Variants in THUMPD2 observed in about 807,000 individuals in gnomAD.
THUMPD2 encodes U6 snRNA (guanine-N(2))-methyltransferase THUMPD2.
THUMPD2 carries 56 observed loss-of-function variants against 49.4 expected under a neutral mutation model. The observed-to-expected ratio is 1.13, with a 90% CI of 0.91 to 1.41. The LOEUF (loss-of-function observed/expected upper bound fraction) is 1.41. THUMPD2 is among the 40% of genes most tolerant of loss of function. The pLI, the probability that THUMPD2 is intolerant of heterozygous loss-of-function variation, is 0.00. For synonymous variants in THUMPD2, 237 were observed against 205.2 expected (o/e 1.15, Z -1.32); for missense variants, 709 against 594.5 (o/e 1.19, Z -2.00).
intron 1 of THUMPD2, among the ~76,000 whole-genome samples, chr2:39,778,415 G>A (rs1049167541): frequency 2.0e-5 from 3 of 152,188 alleles, no homozygotes; most frequent in African/African-American, 4.8e-5. Context: ...GGGTGGAGGG[G>A]TTAATTTCAT....
chr2:39,759,065 T>C (rs1473048914), intron 6 of THUMPD2, among the ~76,000 whole-genome samples: 1 of 152,040 alleles, frequency 6.6e-6, no homozygotes, highest in Admixed American at 6.5e-5. Flanking sequence ...TAACTAAAAA[T>C]GCAGGGCCAA....
chr2:39,777,833 T>G (rs984205320), intron 1 of THUMPD2, among the ~76,000 whole-genome samples: 1 of 152,210 alleles, frequency 6.6e-6, no homozygotes, highest in African/African-American at 2.4e-5. Context: ...CATTTGTCTT[T>G]AGAGAAGATG....
intron 4 of THUMPD2, 127 bp downstream of exon 4, chr2:39,768,297 C>T: frequency 1.3e-6 from 1 of 749,378 alleles, no homozygotes; most frequent in East Asian, 2.7e-5. Context: ...ATAAAATGGA[C>T]TGTTGGATCC....
intron 8 of THUMPD2, among the ~76,000 whole-genome samples, chr2:39,749,514 G>A (rs1302854882): frequency 6.6e-6 from 1 of 152,194 alleles, no homozygotes; most frequent in Non-Finnish European, 1.5e-5. Flanking sequence ...ACTTCACAGA[G>A]TGATATTTTA....
intron 3 of THUMPD2, chr2:39,769,417 C>G (rs973198171): frequency 3.3e-6 from 1 of 304,524 alleles, no homozygotes; most frequent in Admixed American, 4.5e-5. Context: ...AATGGGACCC[C>G]CAGGCCAGGC....
At position 39,771,647 on chromosome 2, in the gene THUMPD2, A is replaced by T. The variant is rs182187255; in HGVS notation, c.127-7T>A. 51 of 1,599,898 alleles carry T rather than the reference A, an allele frequency of 3.2e-5. No individual in the cohort carries two copies. The Admixed American group carries it at 9.1e-4, about 28-fold the overall frequency. On this transcript the variant is annotated splice_region_variant and splice_polypyrimidine_tract_variant and intron_variant, in intron 1 of 9. Transcript: ENST00000505747. Reference sequence around the variant, plus strand: ...TTCCTGAAATATATTCAACCTAGAAATAGAAAAACAGCTTTTAATGTAGTC... The same window carrying T: ...TTCCTGAAATATATTCAACCTAGAATTAGAAAAACAGCTTTTAATGTAGTC...
chr2:39,738,456 T>A (rs190763033), intron 9 of THUMPD2, among the ~76,000 whole-genome samples: 1 of 151,630 alleles, frequency 6.6e-6, no homozygotes, highest in East Asian at 1.9e-4. Flanking sequence ...CCCAGGTACT[T>A]GGGAGGCTGG....
intron 9 of THUMPD2, among the ~76,000 whole-genome samples, chr2:39,738,519 G>T (rs755134412): frequency 2.3e-4 from 35 of 151,644 alleles, no homozygotes; most frequent in Non-Finnish European, 4.4e-4. Context: ...AGCTGAGATT[G>T]CACCACTGCA....
Position 39,736,632 on chromosome 2 carries a change from T to C in THUMPD2, c.*103A>G. 1.9e-6 allele frequency: 2 copies of C among 1,067,368 alleles called. No individual in the cohort carries two copies. Among genetic ancestry groups the C allele is most frequent in the Non-Finnish European group, 2.6e-6 (2 of 757,864 alleles). The allele number at this position is 1,067,368 out of a possible 1,614,324, so 66.1% of individuals were successfully genotyped here. ...ACCTCCTGTCTTTGGGGGAATTTGG[T>C]TACTTGGAGCTCTGTGGGTGCTATA... On this transcript the variant is annotated 3_prime_UTR_variant, in exon 10 of 10. Transcript: ENST00000505747.
intron 6 of THUMPD2, 122 bp from the exon 7 acceptor site, chr2:39,756,082 C>G: frequency 1.2e-6 from 1 of 868,934 alleles, no homozygotes; most frequent in Non-Finnish European, 1.8e-6. Context: ...GGGGTGGTGG[C>G]TGAAGGGACA....
chr2:39,750,190 G>A (rs1338444391), intron 8 of THUMPD2, among the ~76,000 whole-genome samples: 3 of 152,160 alleles, frequency 2.0e-5, no homozygotes, highest in Non-Finnish European at 4.4e-5. Flanking sequence ...CTTCCCAACG[G>A]TTGAAGTCAT....
At chr2:39,753,694 TTCTC>T (rs967491758) in intron 8 of THUMPD2, among the ~76,000 whole-genome samples, 3 of 152,190 alleles carry the variant, frequency 2.0e-5, no homozygotes, top group Non-Finnish European at 2.9e-5. Flanking sequence ...GCTTAGAATG[TTCTC>T]TCTCTCATAG....
chr2:39,755,465 T>A, intron 7 of THUMPD2, 56 bp from the exon 8 acceptor site: 1 of 1,209,082 alleles, frequency 8.3e-7, no homozygotes, highest in African/African-American at 1.6e-5. Flanking sequence ...TTTCATGTAG[T>A]TAAGAAAATC....
chr2:39,769,405 A>T, intron 3 of THUMPD2: 1 of 277,960 alleles, frequency 3.6e-6, no homozygotes, highest in Non-Finnish European at 6.7e-6. Context: ...AATTCTTTAA[A>T]AAATGGGACC....
At chr2:39,747,945 A>G (rs1338842646) in intron 8 of THUMPD2, among the ~76,000 whole-genome samples, 2 of 152,234 alleles carry the variant, frequency 1.3e-5, no homozygotes, top group African/African-American at 4.8e-5. Flanking sequence ...CAATTACAAT[A>G]AGGAAAGTCA....
At chr2:39,743,318 A>G (rs958083923) in intron 9 of THUMPD2, among the ~76,000 whole-genome samples, 3 of 152,226 alleles carry the variant, frequency 2.0e-5, no homozygotes, top group Non-Finnish European at 2.9e-5. Context: ...TCACCAATTT[A>G]AACCATTAGA....
At chr2:39,758,762 C>A (rs940077692) in intron 6 of THUMPD2, among the ~76,000 whole-genome samples, 1 of 145,132 alleles carries the variant, frequency 6.9e-6, no homozygotes, top group Non-Finnish European at 1.5e-5. Flanking sequence ...AACACAAAAA[C>A]AAACAAAAAC....
intron 8 of THUMPD2, 115 bp downstream of exon 8, chr2:39,755,180 A>T (rs1675940555): frequency 1.7e-6 from 1 of 599,766 alleles, no homozygotes; most frequent in African/African-American, 2.0e-5. Context: ...TTAGTCCCAC[A>T]GATATATTAA....
chr2:39,755,319 C>A lies in THUMPD2; in HGVS notation c.1054G>T (p.Glu352Ter). ...CCTATAACAGAGATTTTAAGTAATT[C>A]AATTTTATCCTCAAGGCCTGCAGCT... ...LKAAGLEDKI[E>*]LLKISVIELP... is the part of the protein sequence containing the mutation. The change falls in exon 8 of 10, where the codon GAA becomes TAA. Residue 352 changes from glutamate to a stop codon, truncating the protein, a stop_gained. Transcript: ENST00000505747. LOFTEE classifies it high-confidence loss of function. 6.5e-7 allele frequency: 1 copy of A among 1,543,512 alleles called. No homozygotes were observed. The highest frequency in any genetic ancestry group is 2.5e-5 in the East Asian group (1 of 40,076).
Sources: gnomAD v4.1 joint callset for allele counts (sites outside exome capture counted in the v4.1 genomes callset) on GRCh38, gnomAD v4.1.1 for gene constraint, MANE v1.5 for transcripts, NCBI Gene and HGNC (gene_info 2026-07-23, HGNC 2026-07-21) for gene names.